TFDP2: variants seen among roughly 807,000 people sequenced by gnomAD.
The protein encoded by TFDP2 is transcription factor Dp-2 (E2F dimerization partner 2).
In TFDP2, 17 loss-of-function variants were observed where a neutral mutation model predicts 59.3. The ratio of observed to expected loss-of-function variants is 0.29; its 90% CI spans 0.20 to 0.43. The LOEUF (loss-of-function observed/expected upper bound fraction) is 0.43. TFDP2 is among the 20% of genes least tolerant of loss of function. The pLI is 1.00. For missense variants in TFDP2, 391 were observed against 528.8 expected, an observed-to-expected ratio of 0.74 and a Z score of 2.56; for synonymous variants, 180 against 194.7, an observed-to-expected ratio of 0.92 and a Z score of 0.63.
intron 2 of TFDP2, among the ~76,000 whole-genome samples, chr3:142,093,436 G>C (rs761559127): frequency 5.3e-5 from 8 of 151,592 alleles, no homozygotes; most frequent in Non-Finnish European, 7.4e-5. Context: ...GGATGACAGA[G>C]TGAGACCCTG....
At chr3:141,955,068 A>T (rs1936427953) in intron 11 of TFDP2, among the ~76,000 whole-genome samples, 1 of 152,160 alleles carries the variant, frequency 6.6e-6, no homozygotes. Flanking sequence ...TTAAAGCCAG[A>T]ATCTTGTGCT....
Position 141,995,039 on chromosome 3 carries a change from C to T in TFDP2, c.289G>A (p.Ala97Thr), listed in dbSNP as rs1559994218. ...TCTTACCCAGGGACCCAGCCAGTAG[C>T]TTCTGCTATGTGTGTCTGAGTAACC... ...AMVTQTHIAEATGWVPGDRKR... is the reference protein window; with the variant it reads ...AMVTQTHIAETTGWVPGDRKR... Residue 97 changes from alanine (A) to threonine (T), a missense_variant, in exon 5 of 13, where the codon GCT becomes ACT. Physicochemically the swap from Ala to Thr is moderately conservative, Grantham distance 58. Transcript: ENST00000489671. The T allele has an allele frequency of 6.2e-7, 1 of 1,601,840 alleles. No homozygotes were observed. The highest frequency in any genetic ancestry group is 1.3e-5 in the African/African-American group (1 of 74,658).
chr3:142,055,779 T>C (rs1311463315), intron 3 of TFDP2, among the ~76,000 whole-genome samples: 4 of 152,132 alleles, frequency 2.6e-5, no homozygotes, highest in African/African-American at 9.7e-5. Flanking sequence ...TATAAAGTGA[T>C]AACACAAGTT....
intron 3 of TFDP2, among the ~76,000 whole-genome samples, chr3:142,081,147 C>T (rs1183078096): frequency 6.6e-6 from 1 of 152,010 alleles, no homozygotes; most frequent in East Asian, 1.9e-4. Flanking sequence ...TCTCTGACCA[C>T]AATGGAATAA....
chr3:142,072,181 T>C (rs985414343), intron 3 of TFDP2, among the ~76,000 whole-genome samples: 2 of 152,220 alleles, frequency 1.3e-5, no homozygotes, highest in Non-Finnish European at 2.9e-5. Context: ...ATGCTTACTA[T>C]GTGCTACGCA....
At chr3:142,087,259 G>T (rs138152376) in intron 3 of TFDP2, among the ~76,000 whole-genome samples, 315 of 152,250 alleles carry the variant, frequency 2.1e-3, no homozygotes, top group African/African-American at 7.3e-3. Flanking sequence ...TTTCATTGTT[G>T]TACAAACATC....
intron 8 of TFDP2, among the ~76,000 whole-genome samples, chr3:141,972,325 G>A (rs1939893495): frequency 1.3e-5 from 2 of 151,918 alleles, no homozygotes; most frequent in African/African-American, 4.8e-5. Context: ...TCTCTAATCC[G>A]CCTCCCCCAT....
chr3:141,950,943 TTTTC>T lies in TFDP2; in HGVS notation c.*1566_*1569del, dbSNP rs1935877565. On this transcript the variant is annotated 3_prime_UTR_variant, in exon 13 of 13. Transcript: ENST00000489671. ...AGGAGCTTCAGCTAAAGTTGAATGT[TTTTC>T]TTTCTCAGTTTTTATGGCCTTATTA... 3.9e-5 allele frequency: 6 copies of T among 152,348 alleles called. No homozygotes were observed. The South Asian group carries it at 1.2e-3, about 32-fold the overall frequency. 9.4% of individuals were successfully genotyped at this position (152,348 alleles called of 1,614,324 possible). A position where few individuals can be genotyped will look rare whatever the true frequency, so the allele number is the denominator to read the frequency against.
chr3:141,968,060 C>A (rs76881227), intron 9 of TFDP2, among the ~76,000 whole-genome samples: 2,031 of 151,594 alleles, frequency 0.013, 47 homozygotes, highest in African/African-American at 0.047. Context: ...GGGGATACTG[C>A]AGATAACTGT....
intron 3 of TFDP2, among the ~76,000 whole-genome samples, chr3:142,087,546 G>A (rs2060841532): frequency 6.6e-6 from 1 of 150,790 alleles, no homozygotes; most frequent in African/African-American, 2.4e-5. Context: ...TGTCACCTAG[G>A]CTGGAGTTCA....
At chr3:142,022,855 G>T (rs937543960) in intron 3 of TFDP2, among the ~76,000 whole-genome samples, 2 of 152,066 alleles carry the variant, frequency 1.3e-5, no homozygotes, top group African/African-American at 2.4e-5. Flanking sequence ...GGCACAGGTG[G>T]CTCACGCCTG....
chr3:141,958,522 A>T (rs1936969565), intron 11 of TFDP2, among the ~76,000 whole-genome samples: 1 of 152,158 alleles, frequency 6.6e-6, no homozygotes. Context: ...AATGTAAGAG[A>T]ATGGTTATAT....
rs534328519 is a variant in TFDP2 at position 141,998,717 on chromosome 3, C to T, written c.187-3576G>A. On this transcript the variant is annotated intron_variant, in intron 4 of 12. Transcript: ENST00000489671. ...AAAATGGAGTTTTAAATTTCAGAGT[C>T]CTCCTACCAAAAATCCAGACATCCT... Among the ~76,000 whole-genome samples, 3 of 152,186 alleles carry T rather than the reference C, an allele frequency of 2.0e-5. 1 individual carries two copies. The South Asian group carries it at 6.2e-4, about 32-fold the overall frequency.
chr3:142,113,759 A>G (rs1361836952), intron 1 of TFDP2, among the ~76,000 whole-genome samples: 2 of 152,190 alleles, frequency 1.3e-5, no homozygotes, highest in Non-Finnish European at 2.9e-5. Context: ...TCTAATGCTT[A>G]TTTAGAATAC....
chr3:141,971,250 C>T (rs1441700300), intron 8 of TFDP2, among the ~76,000 whole-genome samples: 5 of 150,402 alleles, frequency 3.3e-5, no homozygotes, highest in South Asian at 4.2e-4. Context: ...TGGCCAGGCG[C>T]GGTGGCTCAG....
chr3:142,149,071 TG>T, intron 1 of TFDP2, 111 bp downstream of exon 1: 1 of 394,134 alleles, frequency 2.5e-6, no homozygotes, highest in East Asian at 3.6e-5. Context: ...ATGGGACTCG[TG>T]GGGGAACAAG....
Position 142,009,464 on chromosome 3 carries a change from C to T in TFDP2, c.83-3920G>A, listed in dbSNP as rs546007829. On this transcript the variant is annotated intron_variant, in intron 3 of 12. Coordinates refer to ENST00000489671, the MANE Select transcript of TFDP2 (RefSeq NM_001178139.2). ...CGGTGGCTCATGCCTGTAATCCCAGCATTTTGGGAAGCCAAGCAGGGCAGA... is the reference window on the plus strand; with the variant it reads ...CGGTGGCTCATGCCTGTAATCCCAGTATTTTGGGAAGCCAAGCAGGGCAGA... 1.1e-3 allele frequency among the ~76,000 whole-genome samples: 167 copies of T among 152,224 alleles called. 1 individual carries two copies. Among genetic ancestry groups the T allele is most frequent in the African/African-American group, 3.8e-3 (157 of 41,558 alleles).
intron 3 of TFDP2, among the ~76,000 whole-genome samples, chr3:142,052,520 G>A (rs1318910018): frequency 5.3e-5 from 8 of 151,896 alleles, no homozygotes; most frequent in African/African-American, 1.2e-4. Flanking sequence ...CAGCCTGGGC[G>A]ACTGAGCGAG....
At chr3:142,051,872 TCCC>T (rs1947647854) in intron 3 of TFDP2, among the ~76,000 whole-genome samples, 1 of 152,084 alleles carries the variant, frequency 6.6e-6, no homozygotes, top group South Asian at 2.1e-4. Context: ...ATGTTTGTAA[TCCC>T]AGCACTTTGG....
Sources: allele counts gnomAD v4.1 joint callset (sites outside exome capture counted in the v4.1 genomes callset), GRCh38; gene constraint gnomAD v4.1.1; transcripts MANE v1.5; gene names NCBI Gene and HGNC (gene_info 2026-07-23, HGNC 2026-07-21).